Variants in TAGLN3 observed in about 807,000 individuals in gnomAD.
TAGLN3 encodes transgelin-3.
Under a neutral mutation model 25.4 loss-of-function variants are expected in TAGLN3, and 12 were observed. The ratio of observed to expected loss-of-function variants is 0.47; its 90% CI spans 0.30 to 0.77. The LOEUF is 0.77. Among genes scored for constraint, TAGLN3 ranks in the 30% least tolerant of loss-of-function variants. TAGLN3 has a pLI of 0.06. For synonymous variants in TAGLN3, 96 were observed against 94.8 expected (o/e 1.01, Z -0.08); for missense variants, 218 against 255.8 (o/e 0.85, Z 1.01).
At chr3:111,999,144 T>G in intron 1 of TAGLN3, 30 bp downstream of exon 1, 1 of 338,604 alleles carries the variant, frequency 3.0e-6, no homozygotes, top group Non-Finnish European at 5.5e-6. Flanking sequence ...TCTGGTCTCA[T>G]TGATAGGCGG....
chr3:111,999,222 C>G (rs1003895468), intron 1 of TAGLN3, 108 bp downstream of exon 1: 1 of 559,312 alleles, frequency 1.8e-6, no homozygotes, highest in African/African-American at 1.9e-5. Flanking sequence ...TGGCGGGTAG[C>G]TGTGCTTTTC....
intron 4 of TAGLN3, 39 bp from the exon 5 acceptor site, chr3:112,013,371 G>A (rs757696537): frequency 7.6e-6 from 12 of 1,588,618 alleles, no homozygotes; most frequent in Non-Finnish European, 1.0e-5. Flanking sequence ...TTGGAAAACT[G>A]TCATAATGAC....
At position 111,999,477 on chromosome 3, in the gene TAGLN3, G is replaced by C. The variant is rs1198939435; in HGVS notation, c.55G>C (p.Glu19Gln). The C allele has an allele frequency of 2.5e-6, 4 of 1,614,192 alleles. No individual in the cohort carries two copies. The East Asian group carries it at 8.9e-5, about 36-fold the overall frequency. Reference protein sequence around the residue: ...GLSREVQEKIEQKYDADLENK... With the variant: ...GLSREVQEKIQQKYDADLENK... ...AAGCCGAGAGGTGCAGGAGAAGATC[G>C]AGCAGAAGTATGATGCGGACCTGGA... The change falls in exon 2 of 5, where the codon GAG (glutamate) becomes CAG (glutamine). Residue 19 changes from glutamate to glutamine, a missense_variant. Physicochemically the swap from Glu to Gln is conservative, Grantham distance 29. Transcript: ENST00000478951.
In TAGLN3 at chr3:111,999,414, T is replaced by C; in HGVS notation, c.-2-7T>C. The C allele has an allele frequency of 1.2e-6, 2 of 1,613,122 alleles. No individual in the cohort carries two copies. The highest frequency in any genetic ancestry group is 1.1e-5 in the South Asian group (1 of 91,030). Reference sequence around the variant, plus strand: ...TGGATGCCGCGCGTGTCTTCTCTTCTTTCCAGAGATGGCTAACAGGGGCCC... The same window carrying C: ...TGGATGCCGCGCGTGTCTTCTCTTCCTTCCAGAGATGGCTAACAGGGGCCC... On this transcript the variant is annotated splice_polypyrimidine_tract_variant and splice_region_variant and intron_variant, in intron 1 of 4. Coordinates refer to ENST00000478951, the MANE Select transcript of TAGLN3 (RefSeq NM_001008272.2).
chr3:111,999,888 G>A (rs914121856), intron 2 of TAGLN3, among the ~76,000 whole-genome samples: 1 of 152,176 alleles, frequency 6.6e-6, no homozygotes, highest in African/African-American at 2.4e-5. Flanking sequence ...AGATAAGTAT[G>A]TCCTTGTAAT....
intron 4 of TAGLN3, among the ~76,000 whole-genome samples, chr3:112,012,985 G>A (rs941528790): frequency 6.6e-6 from 1 of 152,204 alleles, no homozygotes; most frequent in Non-Finnish European, 1.5e-5. Flanking sequence ...AGAAGAAGCA[G>A]GCTTCTTCTT....
chr3:112,003,270 A>G (rs906364897), intron 3 of TAGLN3, among the ~76,000 whole-genome samples: 2 of 152,118 alleles, frequency 1.3e-5, no homozygotes, highest in Non-Finnish European at 2.9e-5. Flanking sequence ...GGGATATCTG[A>G]TATTCCCCAG....
At chr3:112,013,198 A>G (rs1386734504) in intron 4 of TAGLN3, among the ~76,000 whole-genome samples, 1 of 151,980 alleles carries the variant, frequency 6.6e-6, no homozygotes, top group African/African-American at 2.4e-5. Context: ...CTAGGGCCAG[A>G]GATAGCTCAG....
At chr3:112,006,876 T>A (rs774752) in intron 3 of TAGLN3, among the ~76,000 whole-genome samples, 19,795 of 152,250 alleles carry the variant, frequency 0.13, 1,445 homozygotes, top group East Asian at 0.2. Flanking sequence ...GGCCTTACAA[T>A]GCAGAACCTC....
intron 3 of TAGLN3, among the ~76,000 whole-genome samples, chr3:112,003,866 A>G (rs2072888771): frequency 6.6e-6 from 1 of 152,168 alleles, no homozygotes; most frequent in African/African-American, 2.4e-5. Context: ...TGGATGTTGC[A>G]AACCCGTAAG....
At chr3:112,001,178 A>T (rs1274178018) in intron 3 of TAGLN3, among the ~76,000 whole-genome samples, 1 of 152,186 alleles carries the variant, frequency 6.6e-6, no homozygotes, top group Non-Finnish European at 1.5e-5. Context: ...CTCAGCAACT[A>T]ATGTAAACAG....
intron 3 of TAGLN3, among the ~76,000 whole-genome samples, chr3:112,002,944 G>A (rs1360660514): frequency 1.3e-5 from 2 of 152,100 alleles, no homozygotes; most frequent in African/African-American, 4.8e-5. Context: ...CTGGAGGGAT[G>A]AGTGTGGTCG....
intron 3 of TAGLN3, 36 bp from the exon 4 acceptor site, chr3:112,011,727 C>T: frequency 6.3e-7 from 1 of 1,588,974 alleles, no homozygotes; most frequent in Admixed American, 1.7e-5. Context: ...TTGGCTCTGA[C>T]ACGTGCTTGG....
intron 3 of TAGLN3, among the ~76,000 whole-genome samples, chr3:112,008,925 A>G (rs1055623205): frequency 1.2e-4 from 19 of 152,184 alleles, no homozygotes; most frequent in African/African-American, 4.1e-4. Context: ...GTGTACAGGA[A>G]GTGTGGTGCT....
chr3:112,010,330 T>C (rs2072962130), intron 3 of TAGLN3, among the ~76,000 whole-genome samples: 1 of 152,024 alleles, frequency 6.6e-6, no homozygotes, highest in African/African-American at 2.4e-5. Flanking sequence ...TAGAGATGAG[T>C]GATATACCCT....
rs1405041737 is a variant in TAGLN3 at position 112,013,718 on chromosome 3, G to C, written c.*167G>C. ...CCGAGAATCCGCGTTGCCTACTGCT[G>C]CCACCTCCTGTTCATTTAGAACTAT... is the stretch of plus-strand genomic sequence containing the variant. On this transcript the variant is annotated 3_prime_UTR_variant, in exon 5 of 5. Transcript: ENST00000478951. 1 of 945,860 alleles carries C rather than the reference G, an allele frequency of 1.1e-6. No individual in the cohort carries two copies. The highest frequency in any genetic ancestry group is 1.6e-5 in the African/African-American group (1 of 61,574). 58.6% of individuals were successfully genotyped at this position (945,860 alleles called of 1,614,324 possible).
intron 3 of TAGLN3, among the ~76,000 whole-genome samples, chr3:112,005,903 T>C (rs951605675): frequency 2.0e-5 from 3 of 151,252 alleles, no homozygotes; most frequent in African/African-American, 7.3e-5. Flanking sequence ...GAGGTTTCAC[T>C]GAGTTAGCCA....
intron 3 of TAGLN3, among the ~76,000 whole-genome samples, chr3:112,002,761 T>C (rs986405636): frequency 6.6e-6 from 1 of 152,154 alleles, no homozygotes; most frequent in Middle Eastern, 3.2e-3. Context: ...GATGCTTTAC[T>C]TGTCTCTCCC....
chr3:112,013,780 GC>G lies in TAGLN3; in HGVS notation c.*233del. On this transcript the variant is annotated 3_prime_UTR_variant, in exon 5 of 5. Transcript: ENST00000478951. ...GCTTCCGTTTTCCTGAGCTCCTCGG[GC>G]CCCAGAGTCTCTGTTTGATTATTTA... is the stretch of plus-strand genomic sequence containing the variant. 3.3e-6 allele frequency: 2 copies of G among 604,302 alleles called. No homozygotes were observed. Among genetic ancestry groups the G allele is most frequent in the South Asian group, 1.9e-5 (1 of 52,930 alleles). 37.4% of individuals were successfully genotyped at this position (604,302 alleles called of 1,614,324 possible). A position where few individuals can be genotyped will look rare whatever the true frequency, so the allele number is the denominator to read the frequency against.
Sources: gnomAD v4.1 joint callset for allele counts (sites outside exome capture counted in the v4.1 genomes callset) on GRCh38, gnomAD v4.1.1 for gene constraint, MANE v1.5 for transcripts, NCBI Gene and HGNC (gene_info 2026-07-23, HGNC 2026-07-21) for gene names.